Variants in WDR7 observed in about 807,000 individuals in gnomAD.
WDR7 encodes the protein WD repeat-containing protein 7.
Under a neutral mutation model 169.4 loss-of-function variants are expected in WDR7, and 46 were observed. The observed-to-expected ratio is 0.27, with a 90% CI of 0.21 to 0.35. WDR7 has a LOEUF of 0.35. Among genes scored for constraint, WDR7 ranks in the 10% least tolerant of loss-of-function variants. WDR7 has a pLI of 1.00. For missense variants in WDR7, 1,534 were observed against 1,859.3 expected (o/e 0.83, Z 3.22); for synonymous variants, 612 against 666.8 (o/e 0.92, Z 1.27).
intron 19 of WDR7, among the ~76,000 whole-genome samples, chr18:56,785,951 C>T (rs375087021): frequency 6.6e-6 from 1 of 151,900 alleles, no homozygotes; most frequent in Admixed American, 6.6e-5. Context: ...AAGGTGCACA[C>T]CACCATGCCT....
rs2044966151 is a variant in WDR7 at position 56,816,127 on chromosome 18, A to G, written c.3287A>G (p.Asp1096Gly). Residue 1096 changes from aspartate (D) to glycine (G), a missense_variant, in exon 20 of 28, where the codon GAC (aspartate) becomes GGC (glycine). Transcript: ENST00000254442. The part of the protein sequence containing the change: ...KVQEEEHDLV[D>G]DDITTGCLSS... ...CAGGAGGAAGAGCATGACCTTGTTG[A>G]CGATGACATCACCACTGGTAAGCAC... The G allele has an allele frequency of 6.2e-7, 1 of 1,613,644 alleles. No homozygotes were observed. The highest frequency in any genetic ancestry group is 2.2e-5 in the East Asian group (1 of 44,828).
At chr18:56,849,750 TAAAACAAAACAAAAC>T (rs367809400) in intron 20 of WDR7, among the ~76,000 whole-genome samples, 10 of 152,216 alleles carry the variant, frequency 6.6e-5, no homozygotes, top group African/African-American at 1.9e-4. Flanking sequence ...ATAGCTTTTT[TAAAACAAAACAAAAC>T]AAAACAAAAC....
At chr18:56,671,000 T>C (rs558851152) in intron 1 of WDR7, among the ~76,000 whole-genome samples, 1 of 152,304 alleles carries the variant, frequency 6.6e-6, no homozygotes, top group Admixed American at 6.5e-5. Flanking sequence ...TTTTAACCCC[T>C]AAATATTGTT....
intron 25 of WDR7, among the ~76,000 whole-genome samples, chr18:56,943,454 C>T (rs1301999362): frequency 1.3e-5 from 2 of 151,834 alleles, no homozygotes; most frequent in African/African-American, 4.8e-5. Context: ...CTGTGGTTGA[C>T]AGATCACAAA....
chr18:56,885,084 G>C (rs191023169), intron 21 of WDR7, among the ~76,000 whole-genome samples: 1 of 152,186 alleles, frequency 6.6e-6, no homozygotes, highest in South Asian at 2.1e-4. Context: ...CACAGTGGAA[G>C]GGGGAGAGCA....
intron 20 of WDR7, among the ~76,000 whole-genome samples, chr18:56,868,879 G>T (rs929553375): frequency 6.6e-6 from 1 of 152,058 alleles, no homozygotes; most frequent in Admixed American, 6.6e-5. Context: ...TAAGACTTCT[G>T]ATTACTTAGC....
chr18:56,863,251 TGTA>T (rs2045834574), intron 20 of WDR7, among the ~76,000 whole-genome samples: 1 of 151,768 alleles, frequency 6.6e-6, no homozygotes, highest in African/African-American at 2.4e-5. Context: ...TAAATTTAAT[TGTA>T]GGGATAATAA....
At chr18:56,982,360 G>C (rs901208681) in intron 26 of WDR7, among the ~76,000 whole-genome samples, 2 of 152,136 alleles carry the variant, frequency 1.3e-5, no homozygotes, top group Non-Finnish European at 2.9e-5. Flanking sequence ...CACAACAAAG[G>C]CTTCCTTTTC....
intron 20 of WDR7, among the ~76,000 whole-genome samples, chr18:56,875,604 G>A (rs1361133589): frequency 6.6e-6 from 1 of 152,088 alleles, no homozygotes; most frequent in Non-Finnish European, 1.5e-5. Context: ...TAGAGTTCCA[G>A]CCAACTTAGC....
At chr18:56,663,605 A>G (rs964967005) in intron 1 of WDR7, among the ~76,000 whole-genome samples, 2 of 151,804 alleles carry the variant, frequency 1.3e-5, no homozygotes, top group South Asian at 2.1e-4. Flanking sequence ...ACACACATAT[A>G]TGCACAGCAT....
intron 26 of WDR7, among the ~76,000 whole-genome samples, chr18:56,977,124 T>G (rs1407211248): frequency 6.6e-6 from 1 of 152,218 alleles, no homozygotes; most frequent in Non-Finnish European, 1.5e-5. Flanking sequence ...CCAATGTATG[T>G]AAGATATTTA....
At chr18:56,875,431 C>T (rs1245227000) in intron 20 of WDR7, among the ~76,000 whole-genome samples, 1 of 152,182 alleles carries the variant, frequency 6.6e-6, no homozygotes, top group Non-Finnish European at 1.5e-5. Context: ...TTTTGAAACC[C>T]TAAATCTAAT....
At chr18:56,940,009 T>C (rs2047013078) in intron 25 of WDR7, among the ~76,000 whole-genome samples, 1 of 151,818 alleles carries the variant, frequency 6.6e-6, no homozygotes, top group Non-Finnish European at 1.5e-5. Context: ...TGTAGTAACG[T>C]TATGTTTATT....
At chr18:56,678,827 C>T (rs528353249) in intron 2 of WDR7, among the ~76,000 whole-genome samples, 76 of 152,116 alleles carry the variant, frequency 5.0e-4, no homozygotes, top group Non-Finnish European at 9.7e-4. Flanking sequence ...GTAGAGGTAC[C>T]GCCTTGATGG....
At chr18:56,728,404 G>T (rs2026507319) in intron 13 of WDR7, among the ~76,000 whole-genome samples, 1 of 152,170 alleles carries the variant, frequency 6.6e-6, no homozygotes, top group South Asian at 2.1e-4. Flanking sequence ...GTCAGTGGGA[G>T]TCCCTTCACA....
chr18:56,932,874 G>GGTGTGTGTGTGT (rs34838445), intron 22 of WDR7, among the ~76,000 whole-genome samples: 194 of 131,990 alleles, frequency 1.5e-3, no homozygotes, highest in African/African-American at 5.5e-3. Context: ...CTTCATTCTG[G>GGTGTGTGTGTGT]GTGTGTGTGT....
At chr18:56,702,276 TATTATAG>T (rs372375892) in intron 12 of WDR7, among the ~76,000 whole-genome samples, 8 of 152,340 alleles carry the variant, frequency 5.3e-5, no homozygotes, top group African/African-American at 1.9e-4. Flanking sequence ...GTTCTCCTTT[TATTATAG>T]ATTTTAGCTT....
At chr18:56,706,023 T>C (rs2025945036) in intron 12 of WDR7, among the ~76,000 whole-genome samples, 1 of 151,986 alleles carries the variant, frequency 6.6e-6, no homozygotes, top group African/African-American at 2.4e-5. Flanking sequence ...AAGAAAATAA[T>C]GACCAACAGA....
chr18:56,670,751 T>C (rs2025116591), intron 1 of WDR7, among the ~76,000 whole-genome samples: 1 of 152,178 alleles, frequency 6.6e-6, no homozygotes, highest in Non-Finnish European at 1.5e-5. Flanking sequence ...CCTCAAGTGA[T>C]CTGCCGACCT....
Sources: gnomAD v4.1 joint callset for allele counts (sites outside exome capture counted in the v4.1 genomes callset) on GRCh38, gnomAD v4.1.1 for gene constraint, MANE v1.5 for transcripts, NCBI Gene and HGNC (gene_info 2026-07-23, HGNC 2026-07-21) for gene names.